Variants in ELMO1 observed in about 807,000 individuals in gnomAD.
ELMO1 encodes the protein engulfment and cell motility 1.
Under a neutral mutation model 98.9 loss-of-function variants are expected in ELMO1, and 26 were observed. That is an observed-to-expected ratio of 0.26 (90% CI 0.19 to 0.36). The LOEUF is 0.36. Among genes scored for constraint, ELMO1 ranks in the 10% least tolerant of loss-of-function variants. ELMO1 has a pLI of 1.00. For missense variants in ELMO1, 627 were observed against 935.2 expected, an observed-to-expected ratio of 0.67 and a Z score of 4.30; for synonymous variants, 346 against 346.0, an observed-to-expected ratio of 1.00 and a Z score of 0.00.
At chr7:36,897,404 C>A (rs780892557) in intron 16 of ELMO1, among the ~76,000 whole-genome samples, 28 of 147,520 alleles carry the variant, frequency 1.9e-4, no homozygotes, top group Non-Finnish European at 3.1e-4. Context: ...TCAAGCCCTG[C>A]ATTTCATTGT....
intron 2 of ELMO1, among the ~76,000 whole-genome samples, chr7:37,323,035 G>C (rs1024684754): frequency 1.3e-5 from 2 of 152,138 alleles, no homozygotes; most frequent in African/African-American, 4.8e-5. Context: ...CGGGGATCAA[G>C]GCCCATAAGC....
At chr7:37,205,329 C>T (rs990394466) in intron 13 of ELMO1, among the ~76,000 whole-genome samples, 1 of 152,188 alleles carries the variant, frequency 6.6e-6, no homozygotes, top group Admixed American at 6.5e-5. Flanking sequence ...GACCATAACG[C>T]TTTTGCCAAC....
At chr7:36,869,189 C>A (rs1038989208) in intron 20 of ELMO1, among the ~76,000 whole-genome samples, 3 of 152,214 alleles carry the variant, frequency 2.0e-5, no homozygotes, top group African/African-American at 7.2e-5. Context: ...GCATGCCCTG[C>A]CATCAGTATG....
At chr7:36,949,406 TCA>T (rs1787782399) in intron 16 of ELMO1, among the ~76,000 whole-genome samples, 1 of 151,758 alleles carries the variant, frequency 6.6e-6, no homozygotes, top group East Asian at 1.9e-4. Flanking sequence ...CGGAATTTTC[TCA>T]TCTGGTTCCT....
chr7:36,924,990 TCATCTCCAG>T (rs1562828850), intron 16 of ELMO1, among the ~76,000 whole-genome samples: 1 of 152,192 alleles, frequency 6.6e-6, no homozygotes, highest in Non-Finnish European at 1.5e-5. Flanking sequence ...CAAAGTCTGA[TCATCTCCAG>T]TGGTGGTGGG....
Position 37,448,708 on chromosome 7 carries a change from T to C in ELMO1, c.-107A>G, listed in dbSNP as rs1442361135. The C allele has an allele frequency of 6.6e-6, 1 of 152,000 alleles. No individual in the cohort carries two copies. Among genetic ancestry groups the C allele is most frequent in the Non-Finnish European group, 1.5e-5 (1 of 68,020 alleles). The allele number at this position is 152,000 out of a possible 1,614,324, so 9.4% of individuals were successfully genotyped here. ...GGTCGCAGGACAGCAGCGGCAAGGG[T>C]TCCCGGCGATCAGAGCTCCGGCGAC... On this transcript the variant is annotated 5_prime_UTR_variant, in exon 1 of 22. Coordinates refer to ENST00000310758, the MANE Select transcript of ELMO1 (RefSeq NM_014800.11).
intron 16 of ELMO1, among the ~76,000 whole-genome samples, chr7:36,990,643 T>A (rs1171430388): frequency 6.6e-6 from 1 of 152,132 alleles, no homozygotes; most frequent in African/African-American, 2.4e-5. Flanking sequence ...TATCCCATAT[T>A]GTCTTGGGGC....
chr7:37,057,720 GA>G (rs1348045552), intron 15 of ELMO1, among the ~76,000 whole-genome samples: 1 of 152,190 alleles, frequency 6.6e-6, no homozygotes, highest in African/African-American at 2.4e-5. Context: ...TGCCCACCAT[GA>G]ATTGACCTCT....
chr7:37,182,723 A>G (rs771631192), intron 13 of ELMO1, among the ~76,000 whole-genome samples: 3 of 152,028 alleles, frequency 2.0e-5, no homozygotes, highest in Non-Finnish European at 4.4e-5. Context: ...GAATGATACA[A>G]TTATCACTGA....
rs143254365 is a variant in ELMO1 at position 36,979,482 on chromosome 7, C to G, written c.1437+33817G>C. Among the ~76,000 whole-genome samples, 15 of 152,280 alleles carry G rather than the reference C, an allele frequency of 9.9e-5. No individual in the cohort carries two copies. The Middle Eastern group carries it at 0.01, about 104-fold the overall frequency. On this transcript the variant is annotated intron_variant, in intron 16 of 21. Coordinates refer to ENST00000310758, the MANE Select transcript of ELMO1 (RefSeq NM_014800.11). ...AAGGTGGTCTTTGCAAAGCTTCTTA[C>G]GCCTACTTTGCCCAGATATTTGACG... is the stretch of plus-strand genomic sequence containing the variant.
chr7:36,900,582 G>C (rs1806422301), intron 16 of ELMO1, among the ~76,000 whole-genome samples: 1 of 152,196 alleles, frequency 6.6e-6, no homozygotes, highest in Non-Finnish European at 1.5e-5. Flanking sequence ...TTTTGGGCTT[G>C]CTTCCAGGGC....
At chr7:37,288,339 C>G (rs1379341460) in intron 4 of ELMO1, among the ~76,000 whole-genome samples, 1 of 152,174 alleles carries the variant, frequency 6.6e-6, no homozygotes, top group East Asian at 1.9e-4. Flanking sequence ...ATTCTCCTGC[C>G]TCAGCCTCCC....
chr7:37,281,639 G>C (rs1417267344), intron 4 of ELMO1, among the ~76,000 whole-genome samples: 1 of 152,166 alleles, frequency 6.6e-6, no homozygotes, highest in African/African-American at 2.4e-5. Flanking sequence ...CAGGGGCCTG[G>C]TTTGCTGCAT....
intron 16 of ELMO1, among the ~76,000 whole-genome samples, chr7:36,895,491 C>T (rs1425754488): frequency 1.3e-5 from 2 of 152,178 alleles, no homozygotes; most frequent in South Asian, 2.1e-4. Context: ...ACTCCCCTCT[C>T]CCAGACTGCT....
chr7:37,332,392 T>G (rs534530504), intron 2 of ELMO1, among the ~76,000 whole-genome samples: 1 of 152,224 alleles, frequency 6.6e-6, no homozygotes, highest in Non-Finnish European at 1.5e-5. Context: ...ATGCTGGCGC[T>G]GGGGACATAC....
intron 1 of ELMO1, among the ~76,000 whole-genome samples, chr7:37,364,553 G>T (rs1361838319): frequency 1.3e-5 from 2 of 150,948 alleles, no homozygotes; most frequent in East Asian, 3.9e-4. Flanking sequence ...GGTTCTAGAA[G>T]GCATGCTTTA....
In ELMO1 at chr7:37,009,095, T is replaced by C. The variant is rs367838543; in HGVS notation, c.1437+4204A>G. 6.6e-5 allele frequency among the ~76,000 whole-genome samples: 10 copies of C among 152,282 alleles called. No individual in the cohort carries two copies. In the South Asian group the frequency reaches 1.9e-3, roughly 28 times the overall value. ...TTACAGTGGAGTAGTTAGCCACACA[T>C]GCTTTAAATGAGATTCCCATACCTA... On this transcript the variant is annotated intron_variant, in intron 16 of 21. Transcript: ENST00000310758.
intron 10 of ELMO1, among the ~76,000 whole-genome samples, chr7:37,218,499 T>C (rs1793420080): frequency 1.3e-5 from 2 of 152,014 alleles, no homozygotes; most frequent in African/African-American, 2.4e-5. Flanking sequence ...AAAGAGAAAA[T>C]AGAAATATCC....
chr7:37,442,000 A>C (rs184689084), intron 1 of ELMO1, among the ~76,000 whole-genome samples: 1 of 152,300 alleles, frequency 6.6e-6, no homozygotes, highest in East Asian at 1.9e-4. Flanking sequence ...GATAACACAC[A>C]ACTGGTCTCA....
Sources: gnomAD v4.1 joint callset for allele counts (sites outside exome capture counted in the v4.1 genomes callset) on GRCh38, gnomAD v4.1.1 for gene constraint, MANE v1.5 for transcripts, NCBI Gene and HGNC (gene_info 2026-07-23, HGNC 2026-07-21) for gene names.